Variants in LDHB observed in about 807,000 individuals in gnomAD.
The protein encoded by LDHB is L-lactate dehydrogenase B chain.
Under a neutral mutation model 33.4 loss-of-function variants are expected in LDHB, and 18 were observed. The ratio of observed to expected loss-of-function variants is 0.54; its 90% CI spans 0.37 to 0.80. The LOEUF is 0.80. Among genes scored for constraint, LDHB ranks in the 30% least tolerant of loss-of-function variants. LDHB has a pLI of 0.00. For missense variants in LDHB, 345 were observed against 407.9 expected (o/e 0.85, Z 1.33); for synonymous variants, 121 against 140.6 (o/e 0.86, Z 0.98).
intron 2 of LDHB, among the ~76,000 whole-genome samples, chr12:21,653,752 T>C (rs765483150): frequency 3.3e-5 from 5 of 152,216 alleles, no homozygotes; most frequent in Non-Finnish European, 7.3e-5. Flanking sequence ...TTTTATTTTC[T>C]TGCCATTCTT....
chr12:21,654,732 G>A, intron 1 of LDHB, 55 bp from the exon 2 acceptor site: 2 of 1,425,892 alleles, frequency 1.4e-6, no homozygotes, highest in Non-Finnish European at 9.9e-7. Flanking sequence ...AATCCAAATA[G>A]AAATCATCCT....
At chr12:21,655,516 A>G (rs1226335183) in intron 1 of LDHB, among the ~76,000 whole-genome samples, 1 of 152,256 alleles carries the variant, frequency 6.6e-6, no homozygotes, top group Non-Finnish European at 1.5e-5. Context: ...CATAGAATGC[A>G]TACTTAATAC....
Position 21,638,363 on chromosome 12 carries a change from C to T in LDHB, c.703G>A (p.Val235Met), listed in dbSNP as rs1331559620. ...SENWKEVHKM[V>M]VESAYEVIKL... ...TTCCCTTTCACTTACCTTTCAACCACCATCTTATGCACTTCCTTCCAATTT... is the reference window on the plus strand; with the variant it reads ...TTCCCTTTCACTTACCTTTCAACCATCATCTTATGCACTTCCTTCCAATTT... The change falls in exon 6 of 8, where the codon GTG (valine) becomes ATG (methionine). Residue 235 changes from valine to methionine, a missense_variant. Transcript: ENST00000350669. 3.8e-6 allele frequency: 6 copies of T among 1,576,176 alleles called. No individual in the cohort carries two copies. The highest frequency in any genetic ancestry group is 4.4e-6 in the Non-Finnish European group (5 of 1,146,088).
At chr12:21,657,020 C>T (rs570976673) in intron 1 of LDHB, 15 of 151,168 alleles carry the variant, frequency 9.9e-5, no homozygotes, top group African/African-American at 3.4e-4. Context: ...GCGCACAAAC[C>T]ATCTTTTCCT....
intron 4 of LDHB, 146 bp downstream of exon 4, chr12:21,643,789 A>C: frequency 1.5e-6 from 1 of 663,816 alleles, no homozygotes; most frequent in Middle Eastern, 3.0e-4. Context: ...TGTTTTGCAA[A>C]CACCACTATT....
intron 5 of LDHB, among the ~76,000 whole-genome samples, chr12:21,641,373 C>A (rs1399282818): frequency 1.3e-5 from 2 of 152,066 alleles, no homozygotes; most frequent in Non-Finnish European, 2.9e-5. Context: ...GATAAAGAAA[C>A]AATCAGACAA....
intron 2 of LDHB, among the ~76,000 whole-genome samples, chr12:21,651,982 G>C (rs1938702074): frequency 6.6e-6 from 1 of 152,174 alleles, no homozygotes; most frequent in Non-Finnish European, 1.5e-5. Context: ...CTCTGAATCT[G>C]AAGAGTCCAA....
rs556652691 is a variant in LDHB, at chr12:21,635,471, A to G, written c.*71T>C. On this transcript the variant is annotated 3_prime_UTR_variant, in exon 8 of 8. Transcript: ENST00000350669. ...TCAAAGCAAACTGTGATCCATGTACATGGATGAAAACTAAAGGCTCGAGTT... is the reference window on the plus strand; with the variant it reads ...TCAAAGCAAACTGTGATCCATGTACGTGGATGAAAACTAAAGGCTCGAGTT... 1.2e-5 allele frequency: 15 copies of G among 1,261,570 alleles called. No homozygotes were observed. The African/African-American group carries it at 1.8e-4, about 15-fold the overall frequency. 78.1% of individuals were successfully genotyped at this position (1,261,570 alleles called of 1,614,324 possible).
At chr12:21,651,374 A>G (rs1383997640) in intron 2 of LDHB, among the ~76,000 whole-genome samples, 1 of 152,230 alleles carries the variant, frequency 6.6e-6, no homozygotes, top group Non-Finnish European at 1.5e-5. Context: ...TATATAAGCA[A>G]TGGGCTGCAG....
chr12:21,636,831 A>G (rs1043369988), intron 7 of LDHB, among the ~76,000 whole-genome samples: 1 of 152,164 alleles, frequency 6.6e-6, no homozygotes, highest in Non-Finnish European at 1.5e-5. Context: ...CAGAGTTAAT[A>G]TTTAATTTGC....
At chr12:21,652,049 A>G (rs1384843053) in intron 2 of LDHB, among the ~76,000 whole-genome samples, 2 of 152,218 alleles carry the variant, frequency 1.3e-5, no homozygotes, top group Non-Finnish European at 2.9e-5. Context: ...AAAGTGTTAT[A>G]TAACTCCAGG....
Position 21,636,316 on chromosome 12 carries a change from C to G in LDHB, c.838-607G>C, listed in dbSNP as rs35109393. 3.8e-3 allele frequency among the ~76,000 whole-genome samples: 545 copies of G among 142,596 alleles called. 3 individuals are homozygous for G. Among genetic ancestry groups the G allele is most frequent in the Non-Finnish European group, 6.0e-3 (390 of 65,362 alleles). The allele number at this position is 142,596 out of a possible 152,430, so 93.5% of individuals were successfully genotyped here. Reference sequence around the variant, plus strand: ...GTAATAGTTAGAGACCATTAAAAGGCAAGATGCTTGGAATACCCAAGAATT... The same window carrying G: ...GTAATAGTTAGAGACCATTAAAAGGGAAGATGCTTGGAATACCCAAGAATT... On this transcript the variant is annotated intron_variant, in intron 7 of 7. Transcript: ENST00000350669.
chr12:21,654,930 G>T (rs567866061), intron 1 of LDHB, among the ~76,000 whole-genome samples: 1 of 152,112 alleles, frequency 6.6e-6, no homozygotes, highest in African/African-American at 2.4e-5. Context: ...AGACCATCCT[G>T]GCCAACATGG....
Position 21,635,713 on chromosome 12 carries a change from C to T in LDHB, c.838-4G>A. On this transcript the variant is annotated splice_polypyrimidine_tract_variant and splice_region_variant and intron_variant, in intron 7 of 7. Transcript: ENST00000350669. ...CATTCTCAATGCCATACATCCCCTGCCAGAACAACAAAGCATCGAGATTAA... is the reference window on the plus strand; with the variant it reads ...CATTCTCAATGCCATACATCCCCTGTCAGAACAACAAAGCATCGAGATTAA... 2.5e-6 allele frequency: 4 copies of T among 1,612,836 alleles called. No homozygotes were observed. The highest frequency in any genetic ancestry group is 3.4e-6 in the Non-Finnish European group (4 of 1,179,128).
At chr12:21,656,707 A>G (rs1677075) in intron 1 of LDHB, among the ~76,000 whole-genome samples, 148,216 of 152,282 alleles carry the variant, frequency 0.97, 72,264 homozygotes, top group Middle Eastern at 1. Flanking sequence ...TTCCTTAAAA[A>G]GAGTTTTAAG....
Position 21,649,292 on chromosome 12 carries a change from GA to G in LDHB, c.130-2277del, listed in dbSNP as rs1252982944. On this transcript the variant is annotated intron_variant, in intron 2 of 7. Coordinates refer to ENST00000350669, the MANE Select transcript of LDHB (RefSeq NM_002300.8). ...TTGCCTGAGAAGTGCATATTCGGCT[GA>G]AAAGGAAGGAAGAGATCCAACACTT... Among the ~76,000 whole-genome samples the G allele has an allele frequency of 1.1e-4, 17 of 152,282 alleles. No individual in the cohort carries two copies. In the South Asian group the frequency reaches 3.5e-3, roughly 32 times the overall value.
intron 2 of LDHB, among the ~76,000 whole-genome samples, chr12:21,650,151 C>CACATAT (rs142403823): frequency 2.6e-3 from 86 of 32,754 alleles, no homozygotes; most frequent in African/African-American, 7.1e-3. Context: ...CACACACACA[C>CACATAT]GTCTCTCTCT....
intron 2 of LDHB, among the ~76,000 whole-genome samples, chr12:21,652,980 A>G (rs1338668378): frequency 6.6e-6 from 1 of 152,226 alleles, no homozygotes; most frequent in South Asian, 2.1e-4. Flanking sequence ...CAGCCTTTAC[A>G]TATGATACAA....
chr12:21,648,722 A>C (rs1938597930), intron 2 of LDHB, among the ~76,000 whole-genome samples: 1 of 152,198 alleles, frequency 6.6e-6, no homozygotes, highest in South Asian at 2.1e-4. Flanking sequence ...TCCTCCCTGG[A>C]ATACAATGAA....
Sources: gnomAD v4.1 joint callset for allele counts (sites outside exome capture counted in the v4.1 genomes callset) on GRCh38, gnomAD v4.1.1 for gene constraint, MANE v1.5 for transcripts, NCBI Gene and HGNC (gene_info 2026-07-23, HGNC 2026-07-21) for gene names.